PCDHA2: variants seen among roughly 807,000 people sequenced by gnomAD.
PCDHA2 encodes protocadherin alpha 2, also known as protocadherin alpha-2.
Under a neutral mutation model 66.0 loss-of-function variants are expected in PCDHA2, and 58 were observed. The ratio of observed to expected loss-of-function variants is 0.88; its 90% CI spans 0.71 to 1.09. The LOEUF (loss-of-function observed/expected upper bound fraction) is 1.09, where lower values mean the gene tolerates loss of function less well. Ranked by LOEUF, PCDHA2 falls within the 50% of genes least tolerant of loss-of-function variation. PCDHA2 has a pLI of 0.00. For missense variants in PCDHA2, 1,267 were observed against 1,242.3 expected, an observed-to-expected ratio of 1.02 and a Z score of -0.30; for synonymous variants, 634 against 554.0, an observed-to-expected ratio of 1.14 and a Z score of -2.03.
intron 1 of PCDHA2, among the ~76,000 whole-genome samples, chr5:140,846,095 G>A (rs2150384472): frequency 6.7e-5 from 10 of 149,712 alleles, no homozygotes; most frequent in African/African-American, 2.4e-4. Context: ...GTCCTTCCAA[G>A]GAATGTGTAG....
intron 1 of PCDHA2, chr5:140,805,257 TG>T: frequency 7.7e-7 from 1 of 1,297,974 alleles, no homozygotes; most frequent in Non-Finnish European, 9.8e-7. Flanking sequence ...TTAAAATACC[TG>T]GTAAATGAAA....
Position 140,856,323 on chromosome 5 carries a change from A to T in PCDHA2, c.2388+58971A>T, listed in dbSNP as rs781846770. ...TTTGTGAATTCTCGGATTGACCGCG[A>T]GGAGCTGTGCGGGCGGAGCGTGGAG... On this transcript the variant is annotated intron_variant, in intron 1 of 3. Transcript: ENST00000526136. The T allele has an allele frequency of 3.1e-6, 5 of 1,598,532 alleles. No individual in the cohort carries two copies. The East Asian group carries it at 1.1e-4, about 36-fold the overall frequency.
At chr5:140,871,400 C>T (rs146613275) in intron 1 of PCDHA2, 4 of 1,614,128 alleles carry the variant, frequency 2.5e-6, no homozygotes, top group Non-Finnish European at 3.4e-6. Flanking sequence ...CCACCTAAGA[C>T]GGACCTCATG....
intron 1 of PCDHA2, among the ~76,000 whole-genome samples, chr5:140,912,283 A>G (rs1442282452): frequency 6.6e-6 from 1 of 152,104 alleles, no homozygotes; most frequent in Non-Finnish European, 1.5e-5. Flanking sequence ...ACCCAGGAAC[A>G]ATACTTTGCC....
chr5:140,945,962 G>A (rs1049789327), intron 1 of PCDHA2, among the ~76,000 whole-genome samples: 1 of 152,002 alleles, frequency 6.6e-6, no homozygotes, highest in Non-Finnish European at 1.5e-5. Context: ...GAAAGCACAG[G>A]CAATAAAAGC....
At chr5:140,841,678 G>A in intron 1 of PCDHA2, 3 of 1,613,980 alleles carry the variant, frequency 1.9e-6, no homozygotes, top group Non-Finnish European at 1.7e-6. Context: ...TTTTCCATGT[G>A]GACGTGGAGG....
At chr5:140,810,598 G>A (rs200197617) in intron 1 of PCDHA2, 2 of 151,742 alleles carry the variant, frequency 1.3e-5, no homozygotes, top group East Asian at 3.9e-4. Flanking sequence ...TTTTATTTTG[G>A]CAATTTTTAT....
chr5:140,828,239 C>G, intron 1 of PCDHA2: 1 of 1,613,974 alleles, frequency 6.2e-7, no homozygotes, highest in South Asian at 1.1e-5. Flanking sequence ...CCGGATCGCG[C>G]AGGACCTGGG....
intron 1 of PCDHA2, among the ~76,000 whole-genome samples, chr5:140,959,874 A>G (rs1360001985): frequency 1.3e-5 from 2 of 152,236 alleles, no homozygotes; most frequent in Non-Finnish European, 2.9e-5. Flanking sequence ...AAATCTGTCA[A>G]GGAATACACG....
chr5:140,803,932 C>A lies in PCDHA2; in HGVS notation c.2388+6580C>A. On this transcript the variant is annotated intron_variant, in intron 1 of 3. Coordinates refer to ENST00000526136, the MANE Select transcript of PCDHA2 (RefSeq NM_018905.3). ...TGACTTCGACTTGTTTTATACTTAT[C>A]CCTATACAATGCTTCTTCAATATCT... 3 of 439,350 alleles carry A rather than the reference C, an allele frequency of 6.8e-6. No individual in the cohort carries two copies. In the South Asian group the frequency reaches 8.9e-5, roughly 13 times the overall value. The allele number at this position is 439,350 out of a possible 1,614,324, so 27.2% of individuals were successfully genotyped here.
chr5:140,960,316 G>A (rs1360755627), intron 1 of PCDHA2, among the ~76,000 whole-genome samples: 1 of 152,066 alleles, frequency 6.6e-6, no homozygotes, highest in African/African-American at 2.4e-5. Flanking sequence ...ACCTCATTAG[G>A]GTCCTGTGAG....
At chr5:140,925,643 T>TAATAATAATAAG (rs1195362666) in intron 1 of PCDHA2, among the ~76,000 whole-genome samples, 1 of 99,548 alleles carries the variant, frequency 1.0e-5, no homozygotes, top group Non-Finnish European at 2.0e-5. Context: ...ACTTAAAGTA[T>TAATAATAATAAG]AATAATAATA....
At chr5:141,005,687 G>A (rs1454342103) in intron 3 of PCDHA2, among the ~76,000 whole-genome samples, 3 of 116,164 alleles carry the variant, frequency 2.6e-5, no homozygotes, top group African/African-American at 7.0e-5. Context: ...GGGCGACAGA[G>A]CGAAACTCCG....
chr5:140,972,478 AC>A (rs2096537655), intron 1 of PCDHA2, among the ~76,000 whole-genome samples: 2 of 151,866 alleles, frequency 1.3e-5, no homozygotes, highest in Admixed American at 1.3e-4. Flanking sequence ...TCAGCATTTA[AC>A]CCCAGACTCT....
chr5:140,990,555 G>C (rs1176257375), intron 3 of PCDHA2, among the ~76,000 whole-genome samples: 1 of 152,130 alleles, frequency 6.6e-6, no homozygotes, highest in African/African-American at 2.4e-5. Context: ...TATTACCCAA[G>C]AACACACACC....
At chr5:140,834,250 A>G in intron 1 of PCDHA2, 1 of 907,572 alleles carries the variant, frequency 1.1e-6, no homozygotes, top group Non-Finnish European at 1.7e-6. Context: ...CGCACTGGAA[A>G]GACGCTCCAC....
Position 141,009,737 on chromosome 5 carries a change from C to T in PCDHA2, c.2647C>T (p.Pro883Ser). The T allele has an allele frequency of 6.2e-7, 1 of 1,614,130 alleles. No homozygotes were observed. The highest frequency in any genetic ancestry group is 8.5e-7 in the Non-Finnish European group (1 of 1,180,024). Residue 883 changes from proline (P) to serine (S), a missense_variant, in exon 4 of 4, where the codon CCC becomes TCC. Physicochemically the swap from Pro to Ser is moderately conservative, Grantham distance 74 (BLOSUM62 -1). Coordinates refer to ENST00000526136, the MANE Select transcript of PCDHA2 (RefSeq NM_018905.3). ...NPKQSGPGEL[P>S]DKFIIPGSPA... Reference sequence around the variant, plus strand: ...CAAACAATCCGGTCCCGGTGAGTTGCCCGACAAATTCATTATCCCAGGATC... The same window carrying T: ...CAAACAATCCGGTCCCGGTGAGTTGTCCGACAAATTCATTATCCCAGGATC...
intron 1 of PCDHA2, chr5:140,852,597 C>A (rs1410004907): frequency 2.6e-5 from 23 of 879,650 alleles, no homozygotes; most frequent in Non-Finnish European, 2.9e-5. Flanking sequence ...TTTTTTTTGT[C>A]ATTTTCTTTC....
At chr5:140,887,192 G>A (rs2061344460) in intron 1 of PCDHA2, among the ~76,000 whole-genome samples, 1 of 151,802 alleles carries the variant, frequency 6.6e-6, no homozygotes, top group African/African-American at 2.4e-5. Flanking sequence ...CACCTCCCGG[G>A]TTCACGCCAT....
Sources: allele counts gnomAD v4.1 joint callset (sites outside exome capture counted in the v4.1 genomes callset), GRCh38; gene constraint gnomAD v4.1.1; transcripts MANE v1.5; gene names NCBI Gene and HGNC (gene_info 2026-07-23, HGNC 2026-07-21).